Variants in EMG1 observed in about 807,000 individuals in gnomAD.
The protein encoded by EMG1 is EMG1 N1-specific pseudouridine methyltransferase, also known as ribosomal RNA small subunit methyltransferase NEP1.
A neutral mutation model predicts 26.9 loss-of-function variants in EMG1; 24 were observed. That is an observed-to-expected ratio of 0.89 (90% CI 0.65 to 1.26). The LOEUF is 1.26. Among genes scored for constraint, EMG1 ranks in the 50% most tolerant of loss-of-function variants. EMG1 has a pLI of 0.00. For synonymous variants in EMG1, 140 were observed against 112.6 expected (o/e 1.24, Z -1.54); for missense variants, 299 against 307.6 (o/e 0.97, Z 0.21).
At chr12:6,991,491 T>C (rs1946590206), downstream of EMG1, among the ~76,000 whole-genome samples, 1 of 152,186 alleles carries the variant, frequency 6.6e-6, no homozygotes, top group African/African-American at 2.4e-5. Flanking sequence ...AGAATACATA[T>C]CAAAAAATCA....
chr12:6,971,241 G>C, intron 1 of EMG1, 150 bp downstream of exon 1: 1 of 628,818 alleles, frequency 1.6e-6, no homozygotes, highest in Middle Eastern at 4.0e-4. Context: ...GCGTTGATTT[G>C]ACATCCTGGG....
chr12:6,972,494 CTTGTAT>C lies in EMG1; in HGVS notation c.168+1410_168+1415del, dbSNP rs11279448. Among the ~76,000 whole-genome samples, 1,212 of 152,286 alleles carry C rather than the reference CTTGTAT, an allele frequency of 8.0e-3. 13 individuals are homozygous for C. The highest frequency in any genetic ancestry group is 0.028 in the African/African-American group (1,161 of 41,542). On this transcript the variant is annotated intron_variant, in intron 1 of 5. Transcript: ENST00000599672. ...TACATAAAAACTTAACCTTCCAAAA[CTTGTAT>C]TTGTATATAACAGTTTGTTTTTAGA...
At chr12:6,992,547 C>T (rs924294085), downstream of EMG1, among the ~76,000 whole-genome samples, 2 of 152,176 alleles carry the variant, frequency 1.3e-5, no homozygotes, top group Non-Finnish European at 2.9e-5. Flanking sequence ...TTAGTAGTAT[C>T]ATGAAAATAA....
At chr12:6,974,874 A>G in intron 3 of EMG1, 181 bp downstream of exon 3, 2 of 817,140 alleles carry the variant, frequency 2.4e-6, no homozygotes, top group East Asian at 5.3e-5. Flanking sequence ...CTGTTCTTGC[A>G]GTAGCTTCCT....
chr12:6,973,476 G>A (rs782081174), intron 1 of EMG1, among the ~76,000 whole-genome samples: 20 of 151,354 alleles, frequency 1.3e-4, no homozygotes, highest in Non-Finnish European at 1.8e-4. Flanking sequence ...CCCCATGCCC[G>A]TCTTAAAACT....
chr12:6,989,912 C>T (rs782662564), downstream of EMG1, among the ~76,000 whole-genome samples: 4 of 152,262 alleles, frequency 2.6e-5, no homozygotes, highest in East Asian at 1.9e-4. Context: ...GTGGCTCACA[C>T]CTGTAATCCC....
chr12:6,978,329 C>A lies in EMG1; in HGVS notation c.*2520C>A. On this transcript the variant is annotated 3_prime_UTR_variant, in exon 6 of 6. Transcript: ENST00000599672. ...AAGGAACCAGGGTCCAGGCTCCCCA[C>A]CAGCAGCTCACCGGGCCACCCAGGC... is the stretch of plus-strand genomic sequence containing the variant. 1 of 1,600,620 alleles carries A rather than the reference C, an allele frequency of 6.2e-7. No individual in the cohort carries two copies. The highest frequency in any genetic ancestry group is 2.2e-5 in the East Asian group (1 of 44,738).
intron 1 of EMG1, among the ~76,000 whole-genome samples, chr12:6,971,527 C>T (rs1350534316): frequency 6.6e-6 from 1 of 152,206 alleles, no homozygotes; most frequent in African/African-American, 2.4e-5. Context: ...CCGCCCGCCT[C>T]GGCCTCCCAA....
At chr12:6,973,831 C>T (rs1161663391) in intron 1 of EMG1, among the ~76,000 whole-genome samples, 2 of 152,256 alleles carry the variant, frequency 1.3e-5, no homozygotes, top group Non-Finnish European at 2.9e-5. Flanking sequence ...CGTGAGCCAC[C>T]ACGCCCGGCC....
In EMG1 at chr12:6,974,178, C is replaced by G. The variant is rs137975716; in HGVS notation, c.169-161C>G. Among the ~76,000 whole-genome samples the G allele has an allele frequency of 1.7e-3, 266 of 152,352 alleles. 1 individual carries two copies. Among genetic ancestry groups the G allele is most frequent in the Admixed American group, 3.6e-3 (55 of 15,298 alleles). On this transcript the variant is annotated intron_variant, in intron 1 of 5. Transcript: ENST00000599672. ...CCGAAGGGCTTGCTGGGCTCCACCC[C>G]CAGTGTTCCTGGTTTAGTAGGTCTA...
chr12:6,974,614 T>C lies in EMG1; in HGVS notation c.333T>C (p.His111=). The C allele has an allele frequency of 6.2e-7, 1 of 1,614,004 alleles. No homozygotes were observed. The highest frequency in any genetic ancestry group is 1.1e-5 in the South Asian group (1 of 91,082). Residue 111 remains histidine (H), a synonymous_variant, in exon 3 of 6, where the codon CAT becomes CAC. Transcript: ENST00000599672. ...CTGGCTTGCTACAGGTTTATATCCA[T>C]ACACAGAAGAATGTTCTGATTGAAG... The part of the protein sequence containing the change: ...NRAGLLQVYI[H]TQKNVLIEVN...
chr12:6,983,597 G>T, downstream of EMG1: 2 of 1,121,320 alleles, frequency 1.8e-6, no homozygotes, highest in Non-Finnish European at 2.7e-6. Flanking sequence ...TCCCAGTTTG[G>T]TTTGGAAGTT....
Position 6,977,495 on chromosome 12 carries a change from G to A in EMG1, c.*1686G>A, listed in dbSNP as rs1366082027. On this transcript the variant is annotated 3_prime_UTR_variant, in exon 6 of 6. Transcript: ENST00000599672. The surrounding 1 kb of genome is among the most constrained non-coding windows in gnomAD (Gnocchi z 4.5). ...ACAGTAATGGCGGCCAGCTTGCTCAGGGTGGGGCTCTCTTGAATGAGCCTG... is the reference window on the plus strand; with the variant it reads ...ACAGTAATGGCGGCCAGCTTGCTCAAGGTGGGGCTCTCTTGAATGAGCCTG... 1 of 1,614,110 alleles carries A rather than the reference G, an allele frequency of 6.2e-7. No homozygotes were observed. The highest frequency in any genetic ancestry group is 1.3e-5 in the African/African-American group (1 of 74,936).
downstream of EMG1, chr12:6,983,206 G>C (rs1555154368): frequency 2.1e-6 from 1 of 475,896 alleles, no homozygotes; most frequent in African/African-American, 2.0e-5. Flanking sequence ...TTGTTGATGA[G>C]GTATGGCAAG....
At position 6,987,523 on chromosome 12, in the gene EMG1, AG is replaced by A. The variant is rs1284490257; in HGVS notation, c.*155-257del. On this transcript the variant is annotated intron_variant and NMD_transcript_variant, in intron 6 of 7. Transcript: ENST00000261406. The surrounding 1 kb of genome is among the most constrained non-coding windows in gnomAD (Gnocchi z 4.1). The stretch of plus-strand genomic sequence containing the variant: ...GCAAATATTGCTAAGAACTAGAGCC[AG>A]GAACTAGAAAGTATATAGACTAAAT... Among the ~76,000 whole-genome samples, 3 of 152,266 alleles carry A rather than the reference AG, an allele frequency of 2.0e-5. No homozygotes were observed. Among genetic ancestry groups the A allele is most frequent in the African/African-American group, 2.4e-5 (1 of 41,472 alleles).
rs1555153301 is a variant in EMG1 at position 6,977,101 on chromosome 12, G to A, written c.*1292G>A. ...AGTCTGTTGCTCTATTCTGTAACCT[G>A]GTGGTAGTTTTAGTTTAGCTGTATT... On this transcript the variant is annotated 3_prime_UTR_variant, in exon 6 of 6. Coordinates refer to ENST00000599672, the MANE Select transcript of EMG1 (RefSeq NM_006331.8). The surrounding 1 kb of genome is among the most constrained non-coding windows in gnomAD (Gnocchi z 4.5). The A allele has an allele frequency of 5.5e-6, 7 of 1,264,966 alleles. No individual in the cohort carries two copies. Among genetic ancestry groups the A allele is most frequent in the Non-Finnish European group, 8.1e-6 (7 of 863,304 alleles). The allele number at this position is 1,264,966 out of a possible 1,614,324, so 78.4% of individuals were successfully genotyped here. A position where few individuals can be genotyped will look rare whatever the true frequency, so the allele number is the denominator to read the frequency against.
rs963432514 is a variant in EMG1, at chr12:6,974,264, G to A, written c.169-75G>A. The A allele has an allele frequency of 2.5e-5, 27 of 1,071,760 alleles. No individual in the cohort carries two copies. The African/African-American group carries it at 3.6e-4, about 14-fold the overall frequency. 66.4% of individuals were successfully genotyped at this position (1,071,760 alleles called of 1,614,324 possible). A position where few individuals can be genotyped will look rare whatever the true frequency, so the allele number is the denominator to read the frequency against. On this transcript the variant is annotated intron_variant, in intron 1 of 5. Transcript: ENST00000599672. Reference sequence around the variant, plus strand: ...GTGCAGCTGCTGCTGGTAGTTTGGGGACCACACTTGAAGAACCACGGGGCT... The same window carrying A: ...GTGCAGCTGCTGCTGGTAGTTTGGGAACCACACTTGAAGAACCACGGGGCT...
At position 6,987,217 on chromosome 12, in the gene EMG1, T is replaced by A. The variant is rs1401402233; in HGVS notation, c.*155-565T>A. Among the ~76,000 whole-genome samples, 1 of 152,240 alleles carries A rather than the reference T, an allele frequency of 6.6e-6. No homozygotes were observed. Among genetic ancestry groups the A allele is most frequent in the Non-Finnish European group, 1.5e-5 (1 of 68,040 alleles). On this transcript the variant is annotated intron_variant and NMD_transcript_variant, in intron 6 of 7. Transcript: ENST00000261406. This position sits in a 1 kb window ranked among gnomAD's most constrained non-coding sequence, Gnocchi z 4.1. ...GCTCAACTGTAATTAATTCTACAGATATCTTATGGATTACTGGCTCATGTA... is the reference window on the plus strand; with the variant it reads ...GCTCAACTGTAATTAATTCTACAGAAATCTTATGGATTACTGGCTCATGTA...
At position 6,978,436 on chromosome 12, in the gene EMG1, G is replaced by T; in HGVS notation, c.*2627G>T. The T allele has an allele frequency of 1.2e-6, 2 of 1,614,174 alleles. No homozygotes were observed. Among genetic ancestry groups the T allele is most frequent in the Non-Finnish European group, 1.7e-6 (2 of 1,180,030 alleles). ...AGAGCCACACCTTCATGTTGGCACA[G>T]GCATCCCACTTTGCCTTGCCCTTTT... is the stretch of plus-strand genomic sequence containing the variant. On this transcript the variant is annotated 3_prime_UTR_variant, in exon 6 of 6. Coordinates refer to ENST00000599672, the MANE Select transcript of EMG1 (RefSeq NM_006331.8).
Sources: gnomAD v4.1 joint callset for allele counts (sites outside exome capture counted in the v4.1 genomes callset) on GRCh38, gnomAD v4.1.1 for gene constraint, Gnocchi (gnomAD v3.1) non-coding constraint, MANE v1.5 for transcripts, NCBI Gene and HGNC (gene_info 2026-07-23, HGNC 2026-07-21) for gene names.